Variants in OXGR1 observed in about 807,000 individuals in gnomAD.
The protein encoded by OXGR1 is oxoglutarate receptor 1.
A neutral mutation model predicts 10.0 loss-of-function variants in OXGR1; 10 were observed. That is an observed-to-expected ratio of 1.00 (90% CI 0.62 to 1.70). The LOEUF is 1.70. Among genes scored for constraint, OXGR1 ranks in the 40% most tolerant of loss-of-function variants. The pLI, the probability that OXGR1 is intolerant of heterozygous loss-of-function variation, is 0.00. For missense variants in OXGR1, 398 were observed against 407.6 expected, an observed-to-expected ratio of 0.98 and a Z score of 0.20; for synonymous variants, 191 against 155.9, an observed-to-expected ratio of 1.22 and a Z score of -1.68.
At position 96,987,312 on chromosome 13, in the gene OXGR1, C is replaced by A. The variant is rs1038508995; in HGVS notation, c.448G>T (p.Ala150Ser). ...CACACCACAGCACAGGCTACAACTG[C>A]ACATCGAGTTTTGTGAATGGAAAAG... ...SCFSIHKTRCAVVACAVVWII... is the reference protein window; with the variant it reads ...SCFSIHKTRCSVVACAVVWII... The change falls in exon 4 of 4, where the codon GCA becomes TCA. Residue 150 changes from alanine to serine, a missense_variant. Physicochemically the swap from Ala to Ser is moderately conservative, Grantham distance 99. Transcript: ENST00000541038. 6.2e-7 allele frequency: 1 copy of A among 1,614,178 alleles called. No homozygotes were observed. Among genetic ancestry groups the A allele is most frequent in the Non-Finnish European group, 8.5e-7 (1 of 1,180,034 alleles).
rs200374851 is a variant in OXGR1, at chr13:96,987,039, T to G, written c.721A>C (p.Arg241=). The part of the protein sequence containing the change: ...TDSCLKQKAR[R]LTILLLLAFY... Reference sequence around the variant, plus strand: ...GCAAGGAGTAGCAGAATGGTTAGCCTTCGTGCTTTCTGCTTAAGGCAGCTG... The same window carrying G: ...GCAAGGAGTAGCAGAATGGTTAGCCGTCGTGCTTTCTGCTTAAGGCAGCTG... The change falls in exon 4 of 4, where the codon AGG becomes CGG. Residue 241 remains arginine (R), a synonymous_variant. Transcript: ENST00000541038. The G allele has an allele frequency of 3.7e-6, 6 of 1,614,200 alleles. No homozygotes were observed. The South Asian group carries it at 5.5e-5, about 15-fold the overall frequency.
Position 96,986,761 on chromosome 13 carries a change from GTAAC to G in OXGR1, c.995_998del (p.Ser332ThrfsTer38). On this transcript the variant is annotated frameshift_variant, in exon 4 of 4. Transcript: ENST00000541038. LOFTEE classifies it high-confidence loss of function. ...ATGAAATATTTCAAGGGTTGTTTGA[GTAAC>G]TAATTTTCTTTGCTTGCTCAAGGTT... 6.2e-7 allele frequency: 1 copy of G among 1,606,140 alleles called. No individual in the cohort carries two copies.
At position 96,987,389 on chromosome 13, in the gene OXGR1, A is replaced by C. The variant is rs780034038; in HGVS notation, c.371T>G (p.Leu124Arg). ...HFNLYSSILF[L>R]TCFSIFRYCV... ...GTAGCGGAAGATGCTGAAACAGGTG[A>C]GGAAGAGGATGCTGCTATACAGGTT... The change falls in exon 4 of 4, where the codon CTC becomes CGC. Residue 124 changes from leucine to arginine, a missense_variant. Transcript: ENST00000541038. 1 of 1,614,200 alleles carries C rather than the reference A, an allele frequency of 6.2e-7. No individual in the cohort carries two copies. Among genetic ancestry groups the C allele is most frequent in the Middle Eastern group, 1.6e-4 (1 of 6,062 alleles).
In OXGR1 at chr13:96,986,855, TATAGTAACAGGTTACC is replaced by T; in HGVS notation, c.889_904del (p.Gly297MetfsTer16). On this transcript the variant is annotated frameshift_variant, in exon 4 of 4. Transcript: ENST00000541038. LOFTEE classifies it low-confidence loss of function (END_TRUNC). Reference sequence around the variant, plus strand: ...CTGAAAGTTGTCGCTGACCACCACATATAGTAACAGGTTACCAAAGGTGTTCAGAGCAGCTAATGGT... The same window carrying T: ...CTGAAAGTTGTCGCTGACCACCACATAAAGGTGTTCAGAGCAGCTAATGGT... The T allele has an allele frequency of 4.3e-6, 7 of 1,614,170 alleles. No individual in the cohort carries two copies. The highest frequency in any genetic ancestry group is 5.9e-6 in the Non-Finnish European group (7 of 1,180,028).
At chr13:96,990,946 C>CAAAA (rs765856782) in intron 2 of OXGR1, among the ~76,000 whole-genome samples, 13,999 of 96,868 alleles carry the variant, frequency 0.14, 1,538 homozygotes, top group South Asian at 0.3. Context: ...AAGACTCTTT[C>CAAAA]AAAAAAAAAA....
At chr13:96,989,439 T>C (rs1181309871) in intron 3 of OXGR1, among the ~76,000 whole-genome samples, 3 of 152,206 alleles carry the variant, frequency 2.0e-5, no homozygotes, top group African/African-American at 7.2e-5. Flanking sequence ...GGAGATGAAG[T>C]TGGGAAGGAA....
chr13:96,994,010 A>C (rs7323956), intron 1 of OXGR1, among the ~76,000 whole-genome samples: 99,353 of 151,948 alleles, frequency 0.65, 32,895 homozygotes, highest in African/African-American at 0.76. Flanking sequence ...ATGAAATCAG[A>C]GATCCCTAAC....
Position 96,986,664 on chromosome 13 carries a change from T to C in OXGR1, c.*82A>G, listed in dbSNP as rs1342876756. 16 of 1,401,780 alleles carry C rather than the reference T, an allele frequency of 1.1e-5. No individual in the cohort carries two copies. The highest frequency in any genetic ancestry group is 2.2e-5 in the Admixed American group (1 of 46,206). The allele number at this position is 1,401,780 out of a possible 1,614,324, so 86.8% of individuals were successfully genotyped here. ...TACACAGTATTTACCAGGAGTTCCA[T>C]TGAGGGAGACATCCTGAACATCTTA... On this transcript the variant is annotated 3_prime_UTR_variant, in exon 4 of 4. Transcript: ENST00000541038.
Position 96,986,720 on chromosome 13 carries a change from G to A in OXGR1, c.*26C>T, listed in dbSNP as rs1307584029. The stretch of plus-strand genomic sequence containing the variant: ...CTAGGTAAAGTATCAGCAAGTATTT[G>A]TTTTTGGTTAAGTAAATGAAATATT... On this transcript the variant is annotated 3_prime_UTR_variant, in exon 4 of 4. Coordinates refer to ENST00000541038, the MANE Select transcript of OXGR1 (RefSeq NM_001346194.2). 1 of 1,570,690 alleles carries A rather than the reference G, an allele frequency of 6.4e-7. No individual in the cohort carries two copies. Among genetic ancestry groups the A allele is most frequent in the Non-Finnish European group, 8.6e-7 (1 of 1,162,216 alleles).
rs779950415 is a variant in OXGR1 at position 96,987,489 on chromosome 13, G to A, written c.271C>T (p.His91Tyr). The change falls in exon 4 of 4, where the codon CAC becomes TAC. Residue 91 changes from histidine (H) to tyrosine (Y), a missense_variant. His to Tyr is a moderately conservative substitution (Grantham distance 83). Transcript: ENST00000541038. ...CAGTTTTCGCCACTGGCATAGTAGT[G>A]AATCAGGAAGGGGAGGCTGGTCAGA... ...LYLTSLPFLI[H>Y]YYASGENWIF... 1 of 1,614,198 alleles carries A rather than the reference G, an allele frequency of 6.2e-7. No homozygotes were observed. The highest frequency in any genetic ancestry group is 1.7e-5 in the Admixed American group (1 of 60,034).
At chr13:96,992,312 T>C (rs1882095573) in intron 2 of OXGR1, 110 bp downstream of exon 2, 1 of 152,222 alleles carries the variant, frequency 6.6e-6, no homozygotes, top group Non-Finnish European at 1.5e-5. Flanking sequence ...GATGTGCTTA[T>C]TTCACATTGC....
intron 2 of OXGR1, among the ~76,000 whole-genome samples, chr13:96,990,550 T>C (rs1382559825): frequency 6.6e-6 from 1 of 152,114 alleles, no homozygotes; most frequent in Non-Finnish European, 1.5e-5. Context: ...GCAGTAAATA[T>C]TAATATTTGC....
chr13:96,994,209 C>T (rs1659851080), intron 1 of OXGR1, 89 bp downstream of exon 1: 1 of 152,330 alleles, frequency 6.6e-6, no homozygotes, highest in African/African-American at 2.4e-5. Flanking sequence ...TCCTCGGGCA[C>T]CTCCCGTCTC....
chr13:96,985,783 T>C lies in OXGR1; in HGVS notation c.*963A>G, dbSNP rs1881704780. 1 of 152,224 alleles carries C rather than the reference T, an allele frequency of 6.6e-6. No individual in the cohort carries two copies. Among genetic ancestry groups the C allele is most frequent in the South Asian group, 2.1e-4 (1 of 4,834 alleles). The allele number at this position is 152,224 out of a possible 1,614,324, so 9.4% of individuals were successfully genotyped here. A position where few individuals can be genotyped will look rare whatever the true frequency, so the allele number is the denominator to read the frequency against. ...GAGGGTTTTAAATATCCAGACCATGTGTTTTCTCAAATATTTATACTTACC... is the reference window on the plus strand; with the variant it reads ...GAGGGTTTTAAATATCCAGACCATGCGTTTTCTCAAATATTTATACTTACC... On this transcript the variant is annotated 3_prime_UTR_variant, in exon 4 of 4. Coordinates refer to ENST00000541038, the MANE Select transcript of OXGR1 (RefSeq NM_001346194.2).
At chr13:96,992,308 C>G (rs910517857) in intron 2 of OXGR1, 114 bp downstream of exon 2, 1 of 152,102 alleles carries the variant, frequency 6.6e-6, no homozygotes, top group African/African-American at 2.4e-5. Context: ...CTATGATGTG[C>G]TTATTTCACA....
chr13:96,993,441 C>A (rs1039699438), intron 1 of OXGR1, among the ~76,000 whole-genome samples: 7 of 152,008 alleles, frequency 4.6e-5, no homozygotes, highest in African/African-American at 1.7e-4. Context: ...AGGCTGGTCT[C>A]GAACTACTGA....
chr13:96,986,639 T>A lies in OXGR1; in HGVS notation c.*107A>T. ...TGGCTTTGGCACATGATTACTTGAA[T>A]ACACAGTATTTACCAGGAGTTCCAT... is the stretch of plus-strand genomic sequence containing the variant. On this transcript the variant is annotated 3_prime_UTR_variant, in exon 4 of 4. Transcript: ENST00000541038. The A allele has an allele frequency of 1.1e-5, 13 of 1,205,838 alleles. No homozygotes were observed. In the South Asian group the frequency reaches 1.8e-4, roughly 17 times the overall value. 74.7% of individuals were successfully genotyped at this position (1,205,838 alleles called of 1,614,324 possible). A position where few individuals can be genotyped will look rare whatever the true frequency, so the allele number is the denominator to read the frequency against.
intron 3 of OXGR1, among the ~76,000 whole-genome samples, chr13:96,988,086 G>A (rs963153867): frequency 2.6e-5 from 4 of 152,162 alleles, no homozygotes; most frequent in African/African-American, 7.2e-5. Flanking sequence ...GCCACATGTC[G>A]CTTTGGAAAA....
Position 96,986,596 on chromosome 13 carries a change from G to T in OXGR1, c.*150C>A, listed in dbSNP as rs943449051. On this transcript the variant is annotated 3_prime_UTR_variant, in exon 4 of 4. Coordinates refer to ENST00000541038, the MANE Select transcript of OXGR1 (RefSeq NM_001346194.2). ...AGGAGCTCAATAAAGGGATTGCAAA[G>T]AACTAGAAGCTCTGCCCTGGCTTTG... The T allele has an allele frequency of 3.9e-6, 3 of 762,956 alleles. No homozygotes were observed. Among genetic ancestry groups the T allele is most frequent in the African/African-American group, 1.8e-5 (1 of 56,882 alleles). The allele number at this position is 762,956 out of a possible 1,614,324, so 47.3% of individuals were successfully genotyped here.
Sources: allele counts gnomAD v4.1 joint callset (sites outside exome capture counted in the v4.1 genomes callset), GRCh38; gene constraint gnomAD v4.1.1; transcripts MANE v1.5; gene names NCBI Gene and HGNC (gene_info 2026-07-23, HGNC 2026-07-21).